The following ITGA6 variants were observed in gnomAD, a reference collection of about 807,000 sequenced individuals.
The protein encoded by ITGA6 is integrin alpha-6.
A neutral mutation model predicts 133.6 loss-of-function variants in ITGA6; 63 were observed. The ratio of observed to expected loss-of-function variants is 0.47; its 90% CI spans 0.38 to 0.58. ITGA6 has a LOEUF of 0.58. Among genes scored for constraint, ITGA6 ranks in the 20% least tolerant of loss-of-function variants. ITGA6 has a pLI of 0.00. For synonymous variants in ITGA6, 434 were observed against 482.0 expected (o/e 0.90, Z 1.30); for missense variants, 1,068 against 1,309.4 (o/e 0.82, Z 2.85).
intron 1 of ITGA6, among the ~76,000 whole-genome samples, chr2:172,441,171 C>CT (rs1316545703): frequency 2.0e-5 from 3 of 152,110 alleles, no homozygotes; most frequent in Admixed American, 2.0e-4. Flanking sequence ...AATAGGCTCT[C>CT]TTTTTTCTTA....
At chr2:172,487,476 TGA>T (rs1474416105) in intron 15 of ITGA6, 23 bp downstream of exon 15, 1 of 1,612,076 alleles carries the variant, frequency 6.2e-7, no homozygotes, top group Non-Finnish European at 8.5e-7. Context: ...AGAGACCAGC[TGA>T]GAGGGGAAAA....
chr2:172,448,486 T>C (rs1215243210), intron 1 of ITGA6, among the ~76,000 whole-genome samples: 2 of 152,214 alleles, frequency 1.3e-5, no homozygotes, highest in African/African-American at 2.4e-5. Flanking sequence ...GTGTCTCTTA[T>C]ATTATTGTCT....
At chr2:172,492,763 CTTAAG>C (rs1332422300) in intron 23 of ITGA6, among the ~76,000 whole-genome samples, 1 of 152,162 alleles carries the variant, frequency 6.6e-6, no homozygotes, top group Non-Finnish European at 1.5e-5. Flanking sequence ...AATTACTGTT[CTTAAG>C]TTAATCTGCC....
intron 11 of ITGA6, among the ~76,000 whole-genome samples, chr2:172,482,760 T>C (rs1040996062): frequency 1.3e-5 from 2 of 152,196 alleles, no homozygotes; most frequent in African/African-American, 4.8e-5. Context: ...TTGGCAGCTG[T>C]GACATTTAAG....
At chr2:172,502,173 C>G (rs1045426183) in intron 25 of ITGA6, among the ~76,000 whole-genome samples, 4 of 152,074 alleles carry the variant, frequency 2.6e-5, no homozygotes, top group Non-Finnish European at 5.9e-5. Flanking sequence ...AATATTTGTA[C>G]ACACAAAAAG....
rs566176248 is a variant in ITGA6 at position 172,446,516 on chromosome 2, A to T, written c.182+18546A>T. 2.6e-5 allele frequency among the ~76,000 whole-genome samples: 4 copies of T among 152,360 alleles called. No individual in the cohort carries two copies. In the East Asian group the frequency reaches 7.7e-4, roughly 29 times the overall value. ...TTCCCATAACAGAAATTTACTAAGC[A>T]TCTACTATGTGCCGAGCACTGTGCA... On this transcript the variant is annotated intron_variant, in intron 1 of 25. Transcript: ENST00000684293.
At position 172,466,291 on chromosome 2, in the gene ITGA6, C is replaced by T. The variant is rs375050806; in HGVS notation, c.307+628C>T. ...TCTAAGTAGATTTGCAGATTCGTGTCTATGTTCTTCTCTTGCTTCTTCATC... is the reference window on the plus strand; with the variant it reads ...TCTAAGTAGATTTGCAGATTCGTGTTTATGTTCTTCTCTTGCTTCTTCATC... On this transcript the variant is annotated intron_variant, in intron 2 of 25. Coordinates refer to ENST00000684293, the MANE Select transcript of ITGA6 (RefSeq NM_000210.4). Among the ~76,000 whole-genome samples the T allele has an allele frequency of 2.0e-5, 3 of 152,300 alleles. No homozygotes were observed. The East Asian group carries it at 5.8e-4, about 29-fold the overall frequency.
chr2:172,442,927 G>C (rs1370489941), intron 1 of ITGA6, among the ~76,000 whole-genome samples: 1 of 151,690 alleles, frequency 6.6e-6, no homozygotes, highest in Non-Finnish European at 1.5e-5. Context: ...AAGATTTTCA[G>C]TGACCCTCGT....
At chr2:172,436,546 AGGTTTTTCAATATCATAG>A (rs1684328226) in intron 1 of ITGA6, among the ~76,000 whole-genome samples, 1 of 152,188 alleles carries the variant, frequency 6.6e-6, no homozygotes, top group African/African-American at 2.4e-5. Flanking sequence ...CCAGCTGAGA[AGGTTTTTCAATATCATAG>A]AATATGTAAG....
At chr2:172,451,321 C>T (rs954785488) in intron 1 of ITGA6, among the ~76,000 whole-genome samples, 2 of 150,056 alleles carry the variant, frequency 1.3e-5, no homozygotes, top group African/African-American at 4.9e-5. Context: ...AAAAATTAGC[C>T]TGGTGTGGTG....
At chr2:172,464,871 A>G (rs550138954) in intron 1 of ITGA6, among the ~76,000 whole-genome samples, 2 of 152,284 alleles carry the variant, frequency 1.3e-5, no homozygotes, top group Admixed American at 1.3e-4. Flanking sequence ...GACTTGGAAG[A>G]ACAAACATCA....
intron 1 of ITGA6, among the ~76,000 whole-genome samples, chr2:172,439,900 C>G (rs1684471589): frequency 6.6e-6 from 1 of 152,154 alleles, no homozygotes; most frequent in Admixed American, 6.5e-5. Flanking sequence ...CCACATAAAT[C>G]TTGCCCTTAA....
At chr2:172,487,168 ATGATTC>A in intron 14 of ITGA6, 30 bp downstream of exon 14, 1 of 1,530,310 alleles carries the variant, frequency 6.5e-7, no homozygotes, top group Non-Finnish European at 9.1e-7. Flanking sequence ...ACTAGCAAAA[ATGATTC>A]TGGCTTCATG....
chr2:172,497,359 G>A (rs1687167138), intron 23 of ITGA6, among the ~76,000 whole-genome samples: 1 of 152,080 alleles, frequency 6.6e-6, no homozygotes, highest in Admixed American at 6.5e-5. Context: ...TTAGCTGTGA[G>A]TGGTGGCATG....
intron 1 of ITGA6, among the ~76,000 whole-genome samples, chr2:172,459,477 C>G (rs1443387011): frequency 6.6e-6 from 1 of 152,130 alleles, no homozygotes; most frequent in African/African-American, 2.4e-5. Flanking sequence ...GCACTCCAGC[C>G]TGGGCAACAG....
At chr2:172,471,687 AC>A (rs1254863049) in intron 5 of ITGA6, among the ~76,000 whole-genome samples, 1 of 152,138 alleles carries the variant, frequency 6.6e-6, no homozygotes, top group East Asian at 1.9e-4. Context: ...CTTTCAGGAC[AC>A]CCAGACTGTG....
chr2:172,466,804 T>C (rs1685695526), intron 2 of ITGA6, among the ~76,000 whole-genome samples: 1 of 152,206 alleles, frequency 6.6e-6, no homozygotes, highest in Admixed American at 6.5e-5. Flanking sequence ...TTGTAATGAT[T>C]CAAGATTAAA....
At chr2:172,459,435 C>T (rs190606184) in intron 1 of ITGA6, among the ~76,000 whole-genome samples, 48 of 152,234 alleles carry the variant, frequency 3.2e-4, no homozygotes, top group African/African-American at 1.1e-3. Flanking sequence ...ACCCGGGAGG[C>T]AAAGGTTGCA....
chr2:172,484,860 G>A lies in ITGA6; in HGVS notation c.1628G>A (p.Gly543Asp). 6.2e-7 allele frequency: 1 copy of A among 1,614,104 alleles called. No individual in the cohort carries two copies. Residue 543 changes from glycine (G) to aspartate (D), a missense_variant, in exon 12 of 26, where the codon GGT (glycine) becomes GAT (aspartate). Gly to Asp is a moderately conservative substitution (Grantham distance 94). This residue lies in a region of ITGA6 where 609 missense variants were observed against 707.2 expected (regional missense o/e 0.86). Coordinates refer to ENST00000684293, the MANE Select transcript of ITGA6 (RefSeq NM_000210.4). The stretch of plus-strand genomic sequence containing the variant: ...TCAAGAGTTCAGTTTCGAAACCAAG[G>A]TTCTGAGCCCAAATATACTCAAGAA... The part of the protein sequence containing the change: ...LSSRVQFRNQ[G>D]SEPKYTQELT...
Sources: gnomAD v4.1 joint callset for allele counts (sites outside exome capture counted in the v4.1 genomes callset) on GRCh38, gnomAD v4.1.1 for gene constraint, gnomAD v4.1.1 regional missense constraint, MANE v1.5 for transcripts, NCBI Gene and HGNC (gene_info 2026-07-23, HGNC 2026-07-21) for gene names.